Variants in TBC1D19 observed in about 807,000 individuals in gnomAD.
The protein encoded by TBC1D19 is TBC1 domain family member 19, also known as TBC1 domain family, member 19.
In TBC1D19, 60 loss-of-function variants were observed where a neutral mutation model predicts 89.0. The ratio of observed to expected loss-of-function variants is 0.67; its 90% CI spans 0.55 to 0.84. TBC1D19 has a LOEUF of 0.84. Ranked by LOEUF, TBC1D19 falls within the 40% of genes least tolerant of loss-of-function variation. The pLI is 0.00. For missense variants in TBC1D19, 500 were observed against 610.8 expected, an observed-to-expected ratio of 0.82 and a Z score of 1.91; for synonymous variants, 189 against 199.7, an observed-to-expected ratio of 0.95 and a Z score of 0.45.
chr4:26,770,985 C>T, the TBC1D19 span, among the ~76,000 whole-genome samples: 1 of 124,478 alleles, frequency 8.0e-6, no homozygotes, highest in Non-Finnish European at 1.7e-5. Context: ...GAAATTTGTA[C>T]TATAAATACC....
intron 15 of TBC1D19, among the ~76,000 whole-genome samples, chr4:26,729,684 G>A (rs868310866): frequency 2.7e-4 from 41 of 152,124 alleles, no homozygotes; most frequent in Admixed American, 2.7e-3. Context: ...TATGGAGTTA[G>A]GATAGTATGC....
At chr4:26,660,743 C>T (rs1411858099) in intron 8 of TBC1D19, among the ~76,000 whole-genome samples, 3 of 152,156 alleles carry the variant, frequency 2.0e-5, no homozygotes, top group Admixed American at 6.5e-5. Context: ...CAAGTTTTTC[C>T]ACTACCCCTG....
rs35226421 is a variant in TBC1D19 at position 26,596,455 on chromosome 4, C to CGTGTGTGTGT, written c.99+12187_99+12196dup. Among the ~76,000 whole-genome samples, 51 of 145,100 alleles carry CGTGTGTGTGT rather than the reference C, an allele frequency of 3.5e-4. 1 individual carries two copies. Among genetic ancestry groups the CGTGTGTGTGT allele is most frequent in the African/African-American group, 1.0e-3 (40 of 39,784 alleles). ...GTTACCATTTCTGATAATGGTAACT[C>CGTGTGTGTGT]GTGTGTGTGTGTGTGTGTGTGTGTG... On this transcript the variant is annotated intron_variant, in intron 1 of 20. Coordinates refer to ENST00000264866, the MANE Select transcript of TBC1D19 (RefSeq NM_018317.4).
intron 19 of TBC1D19, among the ~76,000 whole-genome samples, chr4:26,752,868 C>T (rs997142684): frequency 5.9e-5 from 9 of 151,912 alleles, no homozygotes; most frequent in African/African-American, 2.2e-4. Flanking sequence ...GCCATGTTGC[C>T]CAGGCTGTCA....
chr4:26,857,652 G>C, the TBC1D19 span: 1 of 152,124 alleles, frequency 6.6e-6, no homozygotes, highest in Non-Finnish European at 1.5e-5. Context: ...GAGAACTCGC[G>C]CACCTGGGGG....
At chr4:26,679,246 G>T (rs756702971) in intron 11 of TBC1D19, among the ~76,000 whole-genome samples, 11 of 152,036 alleles carry the variant, frequency 7.2e-5, no homozygotes, top group Non-Finnish European at 1.6e-4. Context: ...GCCAAGCCCC[G>T]GGCCCCCCTG....
chr4:26,840,287 G>A, the TBC1D19 span, among the ~76,000 whole-genome samples: 1,794 of 152,126 alleles, frequency 0.012, 34 homozygotes, highest in African/African-American at 0.041. Context: ...TTACCATGTT[G>A]GCCAGGATGG....
the TBC1D19 span, among the ~76,000 whole-genome samples, chr4:26,782,940 C>T: frequency 0.098 from 14,885 of 152,024 alleles, 922 homozygotes; most frequent in South Asian, 0.17. Context: ...CTGCAAAATA[C>T]GACTGCAGAA....
intron 1 of TBC1D19, among the ~76,000 whole-genome samples, chr4:26,589,741 T>A (rs987246988): frequency 9.2e-5 from 14 of 152,114 alleles, no homozygotes; most frequent in African/African-American, 3.1e-4. Context: ...GGTTGAGGGT[T>A]TTTGTATCTA....
chr4:26,679,837 G>A (rs1469965620), intron 11 of TBC1D19, among the ~76,000 whole-genome samples: 1 of 152,204 alleles, frequency 6.6e-6, no homozygotes, highest in African/African-American at 2.4e-5. Flanking sequence ...TGTTGGAAGG[G>A]CATGATTGTG....
rs189157949 is a variant in TBC1D19 at position 26,652,348 on chromosome 4, T to G, written c.481-7249T>G. On this transcript the variant is annotated intron_variant, in intron 7 of 20. Transcript: ENST00000264866. ...GCTGTGAATCCATCTGGTCCTGGAC[T>G]TTTTTTTGGTTGGTAAGCTATTAAT... 0.011 allele frequency among the ~76,000 whole-genome samples: 1,719 copies of G among 151,872 alleles called. 82 individuals carry two copies. The East Asian group carries it at 0.16, about 14-fold the overall frequency.
chr4:26,597,563 C>G (rs1250789793), intron 1 of TBC1D19, among the ~76,000 whole-genome samples: 2 of 144,282 alleles, frequency 1.4e-5, no homozygotes. Flanking sequence ...CGGGGTTTCA[C>G]CATGTTGGCC....
At chr4:26,733,395 T>C (rs1365294226) in intron 15 of TBC1D19, among the ~76,000 whole-genome samples, 2 of 152,328 alleles carry the variant, frequency 1.3e-5, no homozygotes, top group East Asian at 3.9e-4. Context: ...ATGTGAGTTC[T>C]AGCGTTATCT....
intron 4 of TBC1D19, among the ~76,000 whole-genome samples, chr4:26,633,275 C>T (rs1242984399): frequency 6.6e-6 from 1 of 152,080 alleles, no homozygotes; most frequent in Non-Finnish European, 1.5e-5. Context: ...ATATAATGAG[C>T]CTTAAAGGTC....
chr4:26,684,851 C>T (rs1713672095), intron 12 of TBC1D19, among the ~76,000 whole-genome samples: 1 of 152,096 alleles, frequency 6.6e-6, no homozygotes, highest in Admixed American at 6.6e-5. Flanking sequence ...GTATTCCAAA[C>T]CCTTTACATA....
rs543157445 is a variant in TBC1D19, at chr4:26,615,803, C to G, written c.218+1350C>G. Among the ~76,000 whole-genome samples the G allele has an allele frequency of 4.8e-4, 73 of 152,132 alleles. 1 individual carries two copies. In the South Asian group the frequency reaches 8.3e-3, roughly 17 times the overall value. On this transcript the variant is annotated intron_variant, in intron 3 of 20. Coordinates refer to ENST00000264866, the MANE Select transcript of TBC1D19 (RefSeq NM_018317.4). ...ACTGTGACAGTACCTTTGGCAGTCA[C>G]CAAAGGAATAGATATTTATCATGAC...
chr4:26,590,796 G>GTTTTTTTTTTTTTTTTTT lies in TBC1D19; in HGVS notation c.99+6518_99+6535dup, dbSNP rs869124166. ...GGTTCACTCTTTGTCTTGCAGGTCT[G>GTTTTTTTTTTTTTTTTTT]TTTTTTTTTTTTTTTTTTTTTTTTT... On this transcript the variant is annotated intron_variant, in intron 1 of 20. Transcript: ENST00000264866. Among the ~76,000 whole-genome samples the GTTTTTTTTTTTTTTTTTT allele has an allele frequency of 3.0e-3, 160 of 52,938 alleles. 22 individuals carry two copies. Among genetic ancestry groups the GTTTTTTTTTTTTTTTTTT allele is most frequent in the Middle Eastern group, 0.016 (1 of 62 alleles). 34.7% of individuals were successfully genotyped at this position (52,938 alleles called of 152,430 possible). A position where few individuals can be genotyped will look rare whatever the true frequency, so the allele number is the denominator to read the frequency against.
At chr4:26,628,878 G>T (rs978547154) in intron 4 of TBC1D19, among the ~76,000 whole-genome samples, 4 of 151,898 alleles carry the variant, frequency 2.6e-5, no homozygotes, top group Non-Finnish European at 5.9e-5. Flanking sequence ...ACAAATGGAA[G>T]AACATTCCAT....
At chr4:26,727,373 C>CT (rs1448844789) in intron 15 of TBC1D19, among the ~76,000 whole-genome samples, 1 of 152,120 alleles carries the variant, frequency 6.6e-6, no homozygotes, top group Admixed American at 6.6e-5. Flanking sequence ...ACTGTGTAGC[C>CT]TTTTTTTGGA....
Sources: allele counts gnomAD v4.1 joint callset (sites outside exome capture counted in the v4.1 genomes callset), GRCh38; gene constraint gnomAD v4.1.1; transcripts MANE v1.5; gene names NCBI Gene and HGNC (gene_info 2026-07-23, HGNC 2026-07-21).